The following MDN1 variants were observed in gnomAD, a reference collection of about 807,000 sequenced individuals.
The protein encoded by MDN1 is midasin AAA ATPase 1.
In MDN1, 266 loss-of-function variants were observed where a neutral mutation model predicts 669.2. That is an observed-to-expected ratio of 0.40 (90% CI 0.36 to 0.44). The LOEUF (loss-of-function observed/expected upper bound fraction) is 0.44, where lower values mean the gene tolerates loss of function less well. Ranked by LOEUF, MDN1 falls within the 20% of genes least tolerant of loss-of-function variation. The probability of loss-of-function intolerance (pLI) is 1.00; values close to 1 mark genes in which losing one functional copy is unlikely to be tolerated. For missense variants in MDN1, 5,940 were observed against 6,754.0 expected, an observed-to-expected ratio of 0.88 and a Z score of 4.22; for synonymous variants, 2,385 against 2,457.1, an observed-to-expected ratio of 0.97 and a Z score of 0.87.
intron 2 of MDN1, among the ~76,000 whole-genome samples, chr6:89,799,930 T>C (rs1449286628): frequency 6.6e-6 from 1 of 152,100 alleles, no homozygotes; most frequent in African/African-American, 2.4e-5. Flanking sequence ...TGAGTTTATG[T>C]TAATGAGGTG....
chr6:89,702,374 C>A (rs1813219381), intron 53 of MDN1, among the ~76,000 whole-genome samples: 1 of 152,210 alleles, frequency 6.6e-6, no homozygotes, highest in South Asian at 2.1e-4. Flanking sequence ...TAACTGTATT[C>A]CAAAGCAGCT....
chr6:89,764,729 C>T (rs1007306691), intron 15 of MDN1, among the ~76,000 whole-genome samples: 3 of 152,146 alleles, frequency 2.0e-5, no homozygotes, highest in Non-Finnish European at 4.4e-5. Context: ...GAAGAAATAG[C>T]AAGCATTTAG....
chr6:89,684,963 C>G lies in MDN1; in HGVS notation c.11742G>C (p.Trp3914Cys). ...ATTGCTTGTAATAATGGTACAAATTCCATAGAACACTGCAAAGTGAATCTG... is the reference window on the plus strand; with the variant it reads ...ATTGCTTGTAATAATGGTACAAATTGCATAGAACACTGCAAAGTGAATCTG... ...EGKDSLCSVLWNLYHYYKQFF... is the reference protein window; with the variant it reads ...EGKDSLCSVLCNLYHYYKQFF... Residue 3914 changes from tryptophan to cysteine, a missense_variant, in exon 71 of 102, where the codon TGG becomes TGC. Physicochemically the swap from Trp to Cys is radical, Grantham distance 215. Coordinates refer to ENST00000369393, the MANE Select transcript of MDN1 (RefSeq NM_014611.3). 1 of 1,612,510 alleles carries G rather than the reference C, an allele frequency of 6.2e-7. No individual in the cohort carries two copies. The highest frequency in any genetic ancestry group is 8.5e-7 in the Non-Finnish European group (1 of 1,178,780).
At position 89,665,672 on chromosome 6, in the gene MDN1, G is replaced by A. The variant is rs1475161567; in HGVS notation, c.14095-1044C>T. Among the ~76,000 whole-genome samples the A allele has an allele frequency of 2.9e-5, 4 of 138,362 alleles. No homozygotes were observed. The East Asian group carries it at 6.2e-4, about 22-fold the overall frequency. 90.8% of individuals were successfully genotyped at this position (138,362 alleles called of 152,430 possible). A position where few individuals can be genotyped will look rare whatever the true frequency, so the allele number is the denominator to read the frequency against. On this transcript the variant is annotated intron_variant, in intron 84 of 101. Coordinates refer to ENST00000369393, the MANE Select transcript of MDN1 (RefSeq NM_014611.3). ...TGGCAAGCTGAGATCATACTACTGC[G>A]CTCTAGCCTGGGTGACAGAGCAAGA...
chr6:89,760,758 T>C (rs181645511), intron 17 of MDN1, among the ~76,000 whole-genome samples: 310 of 152,308 alleles, frequency 2.0e-3, no homozygotes, highest in Middle Eastern at 6.8e-3. Context: ...AGACAAGTAT[T>C]GCATGTTCTC....
rs746083055 is a variant in MDN1 at position 89,716,709 on chromosome 6, C to T, written c.6684G>A (p.Met2228Ile). 1.2e-6 allele frequency: 2 copies of T among 1,614,148 alleles called. No homozygotes were observed. The highest frequency in any genetic ancestry group is 2.2e-5 in the East Asian group (1 of 44,878). Reference protein sequence around the residue: ...SHGTFEWVDSMLVQALKSGDW... With the variant: ...SHGTFEWVDSILVQALKSGDW... ...CTCCAGACTTCAGGGCCTGAACCAA[C>T]ATGCTGTCAACCCATTCAAATGTGC... The change falls in exon 44 of 102, where the codon ATG becomes ATA. Residue 2228 changes from methionine (M) to isoleucine (I), a missense_variant. By Grantham distance (10) the Met-to-Ile change is conservative (BLOSUM62 1). Transcript: ENST00000369393.
chr6:89,799,628 A>G (rs1767498674), intron 2 of MDN1, among the ~76,000 whole-genome samples: 1 of 152,220 alleles, frequency 6.6e-6, no homozygotes, highest in South Asian at 2.1e-4. Flanking sequence ...AGTTGCAGTG[A>G]GCCAAGACCA....
At chr6:89,651,202 G>A (rs1808833730) in intron 95 of MDN1, among the ~76,000 whole-genome samples, 2 of 150,710 alleles carry the variant, frequency 1.3e-5, no homozygotes, top group South Asian at 2.1e-4. Context: ...GCAGGCACCT[G>A]TAATCCCAGC....
chr6:89,782,756 T>C (rs1185177228), intron 9 of MDN1, among the ~76,000 whole-genome samples: 3 of 151,874 alleles, frequency 2.0e-5, no homozygotes, highest in Non-Finnish European at 4.4e-5. Flanking sequence ...CTGGCCAACA[T>C]GGTGAAACCC....
In MDN1 at chr6:89,658,232, G is replaced by T. The variant is rs750473090; in HGVS notation, c.15160C>A (p.Pro5054Thr). Residue 5054 changes from proline to threonine, a missense_variant, in exon 90 of 102, where the codon CCT (proline) becomes ACT (threonine). Around this residue, in one of 5 missense-constraint regions of MDN1, gnomAD observed 2,280 missense variants for 2,576.3 expected, o/e 0.88. Transcript: ENST00000369393. ...ACCTCTTTCCCCTGCTCCTTCTCAGGTGCGGCCCCAGCCAGCTCCATGGCC... is the reference window on the plus strand; with the variant it reads ...ACCTCTTTCCCCTGCTCCTTCTCAGTTGCGGCCCCAGCCAGCTCCATGGCC... ...TQAMELAGAA[P>T]EKEQGKEEHG... 5 of 1,614,082 alleles carry T rather than the reference G, an allele frequency of 3.1e-6. No homozygotes were observed. The African/African-American group carries it at 6.7e-5, about 22-fold the overall frequency.
chr6:89,807,904 GT>G lies in MDN1; in HGVS notation c.103-4351del, dbSNP rs562774693. ...AAGATGGTATTTTTTGGTTTCACTT[GT>G]TTTTTTTCATAGCTTAAATTTCTCT... On this transcript the variant is annotated intron_variant, in intron 1 of 101. Coordinates refer to ENST00000369393, the MANE Select transcript of MDN1 (RefSeq NM_014611.3). Among the ~76,000 whole-genome samples the G allele has an allele frequency of 9.2e-5, 14 of 151,618 alleles. 1 individual carries two copies. In the South Asian group the frequency reaches 1.7e-3, roughly 18 times the overall value.
intron 53 of MDN1, among the ~76,000 whole-genome samples, chr6:89,704,143 G>A (rs1280545361): frequency 2.6e-5 from 4 of 152,074 alleles, no homozygotes; most frequent in Admixed American, 2.0e-4. Flanking sequence ...CATTTACGGA[G>A]GTTGACGCAG....
In MDN1 at chr6:89,658,751, T is replaced by C; in HGVS notation, c.14880A>G (p.Gly4960=). ...KAEGEEEMDT[G]ADDQDGDAAQ... ...CAGCATCTCCATCTTGGTCATCAGC[T>C]CCTGTGTCCATTTCCTCTTCCCCTT... The change falls in exon 89 of 102, where the codon GGA becomes GGG. Residue 4960 remains glycine, a synonymous_variant. Coordinates refer to ENST00000369393, the MANE Select transcript of MDN1 (RefSeq NM_014611.3). 2 of 1,614,132 alleles carry C rather than the reference T, an allele frequency of 1.2e-6. No homozygotes were observed. The highest frequency in any genetic ancestry group is 8.5e-7 in the Non-Finnish European group (1 of 1,180,012).
In MDN1 at chr6:89,658,910, A is replaced by G; in HGVS notation, c.14721T>C (p.Asn4907=). 6.2e-7 allele frequency: 1 copy of G among 1,611,040 alleles called. No homozygotes were observed. Among genetic ancestry groups the G allele is most frequent in the Non-Finnish European group, 8.5e-7 (1 of 1,179,154 alleles). ...DTDNEEGEEE[N]PLEIKEKPEE... ...CTGGTTTTTCTTTTATCTCCAAAGG[A>G]TTCTCTTCTGTATAGATACAACAAA... is the stretch of plus-strand genomic sequence containing the variant. Residue 4907 remains asparagine (N), a synonymous_variant, in exon 89 of 102, where the codon AAT becomes AAC. Coordinates refer to ENST00000369393, the MANE Select transcript of MDN1 (RefSeq NM_014611.3).
chr6:89,762,310 C>T lies in MDN1; in HGVS notation c.2356+9G>A. ...CCCTCCCCCATGGCAGCCTGGGTCA[C>T]ATCCTTACCAGTTTCACTGTCTTTT... On this transcript the variant is annotated intron_variant, in intron 16 of 101. Transcript: ENST00000369393. The T allele has an allele frequency of 1.2e-6, 2 of 1,612,340 alleles. No homozygotes were observed. Among genetic ancestry groups the T allele is most frequent in the Non-Finnish European group, 1.7e-6 (2 of 1,178,748 alleles).
At chr6:89,702,194 A>T (rs564577040) in intron 53 of MDN1, 133 bp from the exon 54 acceptor site, 1 of 793,876 alleles carries the variant, frequency 1.3e-6, no homozygotes, top group Non-Finnish European at 1.8e-6. Flanking sequence ...TATAATTGCT[A>T]ATCAATGCTC....
intron 40 of MDN1, among the ~76,000 whole-genome samples, chr6:89,719,964 G>C (rs967804313): frequency 6.6e-6 from 1 of 152,080 alleles, no homozygotes; most frequent in African/African-American, 2.4e-5. Flanking sequence ...ATGGTGGGGG[G>C]CGGATAGAGG....
chr6:89,645,598 A>G (rs969371919), intron 100 of MDN1, among the ~76,000 whole-genome samples: 1 of 152,258 alleles, frequency 6.6e-6, no homozygotes, highest in Non-Finnish European at 1.5e-5. Context: ...GTCGTTACAT[A>G]TAATCATCTT....
Position 89,655,809 on chromosome 6 carries a change from C to T in MDN1, c.15445G>A (p.Glu5149Lys), listed in dbSNP as rs752438955. The T allele has an allele frequency of 9.3e-6, 15 of 1,613,530 alleles. No homozygotes were observed. In the East Asian group the frequency reaches 1.6e-4, roughly 17 times the overall value. ...QAQVEDADAF[E>K]HIKQGSDAYD... ...GCGTCACTGCCTTGTTTAATGTGCT[C>T]GAATGCATCTGCATCCTCCACCTGG... The change falls in exon 92 of 102, where the codon GAG (glutamate) becomes AAG (lysine). Residue 5149 changes from glutamate (E) to lysine (K), a missense_variant. By Grantham distance (56) the Glu-to-Lys change is moderately conservative. This residue lies in a region of MDN1 where 2,280 missense variants were observed against 2,576.3 expected (regional missense o/e 0.88). Transcript: ENST00000369393.
Sources: allele counts gnomAD v4.1 joint callset (sites outside exome capture counted in the v4.1 genomes callset), GRCh38; gene constraint gnomAD v4.1.1; regional missense constraint gnomAD v4.1.1; transcripts MANE v1.5; gene names NCBI Gene and HGNC (gene_info 2026-07-23, HGNC 2026-07-21).